Variants in BTRC observed in about 807,000 individuals in gnomAD.
BTRC encodes the protein F-box/WD repeat-containing protein 1A.
Under a neutral mutation model 85.5 loss-of-function variants are expected in BTRC, and 42 were observed. That is an observed-to-expected ratio of 0.49 (90% CI 0.38 to 0.64). The LOEUF is 0.64. Among genes scored for constraint, BTRC ranks in the 30% least tolerant of loss-of-function variants. The pLI is 0.00. For missense variants in BTRC, 594 were observed against 743.5 expected (o/e 0.80, Z 2.34); for synonymous variants, 255 against 263.3 (o/e 0.97, Z 0.30).
intron 1 of BTRC, among the ~76,000 whole-genome samples, chr10:101,415,506 G>T (rs61874008): frequency 0.65 from 8,955 of 13,718 alleles, 3,036 homozygotes; most frequent in Middle Eastern, 1. Flanking sequence ...GTTATGTTAT[G>T]TTATGTTATG....
At chr10:101,440,566 C>T (rs1944653298) in intron 2 of BTRC, among the ~76,000 whole-genome samples, 1 of 151,764 alleles carries the variant, frequency 6.6e-6, no homozygotes. Context: ...ACCAAAAATA[C>T]AAAAAATTAG....
In BTRC at chr10:101,496,173, T is replaced by C. The variant is rs186821175; in HGVS notation, c.324+16716T>C. 5.0e-3 allele frequency among the ~76,000 whole-genome samples: 760 copies of C among 152,318 alleles called. 8 individuals carry two copies. Among genetic ancestry groups the C allele is most frequent in the African/African-American group, 0.017 (715 of 41,566 alleles). On this transcript the variant is annotated intron_variant, in intron 4 of 14. Coordinates refer to ENST00000370187, the MANE Select transcript of BTRC (RefSeq NM_033637.4). ...GTGAACATTGGGTTTCTTTCAGATT[T>C]TCATAACTACAAAAAATTATTTTAC...
intron 5 of BTRC, among the ~76,000 whole-genome samples, chr10:101,523,671 TTTCTC>T (rs2134379885): frequency 6.6e-6 from 1 of 152,348 alleles, no homozygotes; most frequent in African/African-American, 2.4e-5. Flanking sequence ...GGTAGCCTGT[TTTCTC>T]TACGTATGTG....
chr10:101,439,654 G>T (rs1222306743), intron 2 of BTRC, among the ~76,000 whole-genome samples: 1 of 152,180 alleles, frequency 6.6e-6, no homozygotes, highest in Admixed American at 6.5e-5. Context: ...TGCCTTAAAT[G>T]CATGAAAAGG....
intron 4 of BTRC, among the ~76,000 whole-genome samples, chr10:101,514,217 CAA>C (rs2061993180): frequency 1.3e-5 from 2 of 152,262 alleles, no homozygotes; most frequent in African/African-American, 4.8e-5. Context: ...ATAAAAATGA[CAA>C]ATCATTTTTG....
At chr10:101,488,317 G>A (rs1946042175) in intron 4 of BTRC, among the ~76,000 whole-genome samples, 1 of 152,038 alleles carries the variant, frequency 6.6e-6, no homozygotes, top group Non-Finnish European at 1.5e-5. Context: ...TTGCTGTTTT[G>A]TTTTTCTATT....
chr10:101,529,526 C>T (rs922747499), intron 6 of BTRC, among the ~76,000 whole-genome samples: 3 of 152,164 alleles, frequency 2.0e-5, no homozygotes, highest in Non-Finnish European at 2.9e-5. Flanking sequence ...TATTTGCCTG[C>T]AAAGTGTTTG....
chr10:101,547,378 C>T (rs574173309), intron 13 of BTRC, among the ~76,000 whole-genome samples: 1 of 109,990 alleles, frequency 9.1e-6, no homozygotes, highest in African/African-American at 3.5e-5. Context: ...ACTCTTGTTA[C>T]CCAGGCTGGA....
intron 5 of BTRC, among the ~76,000 whole-genome samples, chr10:101,522,193 A>C (rs1202050413): frequency 2.0e-5 from 3 of 148,306 alleles, no homozygotes; most frequent in African/African-American, 7.4e-5. Context: ...GGCGCCCGCC[A>C]CCACACTGGG....
At chr10:101,428,634 G>A (rs1944321327) in intron 1 of BTRC, among the ~76,000 whole-genome samples, 1 of 152,158 alleles carries the variant, frequency 6.6e-6, no homozygotes, top group African/African-American at 2.4e-5. Flanking sequence ...CAAGATTCTA[G>A]TCCCTACTTC....
At chr10:101,382,057 A>G (rs1192772079) in intron 1 of BTRC, among the ~76,000 whole-genome samples, 1 of 125,296 alleles carries the variant, frequency 8.0e-6, no homozygotes, top group Non-Finnish European at 1.6e-5. Context: ...ATCTCAGCTC[A>G]CTGCAACCTT....
rs1185238021 is a variant in BTRC, at chr10:101,521,216, G to C, written c.325-423G>C. Among the ~76,000 whole-genome samples, 31 of 152,318 alleles carry C rather than the reference G, an allele frequency of 2.0e-4. 1 individual carries two copies. The highest frequency in any genetic ancestry group is 2.0e-3 in the Admixed American group (30 of 15,308). On this transcript the variant is annotated intron_variant, in intron 4 of 14. Transcript: ENST00000370187. ...TTGAGCCCAGGAGCTGGAGGCTGCA[G>C]TGAGCTATGATCTCACCACTGCACT... is the stretch of plus-strand genomic sequence containing the variant.
At chr10:101,495,183 A>G (rs1280420695) in intron 4 of BTRC, among the ~76,000 whole-genome samples, 1 of 152,252 alleles carries the variant, frequency 6.6e-6, no homozygotes. Context: ...AGAGAAAAAT[A>G]AATGAGACCA....
intron 4 of BTRC, among the ~76,000 whole-genome samples, chr10:101,499,396 T>C (rs1228177348): frequency 6.6e-6 from 1 of 152,020 alleles, no homozygotes; most frequent in East Asian, 1.9e-4. Context: ...GCTAAATTTT[T>C]TTGTATTTTT....
chr10:101,384,026 T>C (rs1390039661), intron 1 of BTRC, among the ~76,000 whole-genome samples: 2 of 152,222 alleles, frequency 1.3e-5, no homozygotes, highest in Admixed American at 6.5e-5. Flanking sequence ...TCTAGGTTAT[T>C]GTAAAACATA....
rs1001511086 is a variant in BTRC, at chr10:101,401,511, G to A, written c.49-28834G>A. ...TGTAGCATCAAAGCAGTGTTGTGAT[G>A]CCCTGCTGTCTTCTGATGTTGAATA... On this transcript the variant is annotated intron_variant, in intron 1 of 14. Transcript: ENST00000370187. 3.3e-5 allele frequency among the ~76,000 whole-genome samples: 5 copies of A among 152,028 alleles called. No individual in the cohort carries two copies. The South Asian group carries it at 8.3e-4, about 25-fold the overall frequency.
At chr10:101,436,762 G>A (rs1944543756) in intron 2 of BTRC, among the ~76,000 whole-genome samples, 1 of 152,084 alleles carries the variant, frequency 6.6e-6, no homozygotes. Flanking sequence ...TTTAACATTA[G>A]CTAGGGTTCC....
At chr10:101,376,544 C>G (rs1326732323) in intron 1 of BTRC, among the ~76,000 whole-genome samples, 1 of 152,056 alleles carries the variant, frequency 6.6e-6, no homozygotes, top group Non-Finnish European at 1.5e-5. Context: ...TAGCAACATC[C>G]CAGAATGTGG....
chr10:101,482,545 G>C (rs534905710), intron 4 of BTRC, among the ~76,000 whole-genome samples: 1 of 151,702 alleles, frequency 6.6e-6, no homozygotes, highest in Non-Finnish European at 1.5e-5. Flanking sequence ...ATAGGCGCCC[G>C]CCACCACGCC....
Sources: gnomAD v4.1 joint callset for allele counts (sites outside exome capture counted in the v4.1 genomes callset) on GRCh38, gnomAD v4.1.1 for gene constraint, MANE v1.5 for transcripts, NCBI Gene and HGNC (gene_info 2026-07-23, HGNC 2026-07-21) for gene names.